Variants in MAP2 observed in about 807,000 individuals in gnomAD.
MAP2 encodes microtubule-associated protein 2.
A neutral mutation model predicts 137.6 loss-of-function variants in MAP2; 14 were observed. That is an observed-to-expected ratio of 0.10 (90% confidence interval 0.07 to 0.16). The LOEUF (loss-of-function observed/expected upper bound fraction) is 0.16, where lower values mean the gene tolerates loss of function less well. MAP2 is among the 10% of genes least tolerant of loss of function. The pLI is 1.00. For synonymous variants in MAP2, 786 were observed against 782.3 expected (o/e 1.00, Z -0.08); for missense variants, 2,088 against 2,191.5 (o/e 0.95, Z 0.94).
chr2:209,701,657 A>T (rs571355171), intron 11 of MAP2, among the ~76,000 whole-genome samples: 1 of 152,114 alleles, frequency 6.6e-6, no homozygotes, highest in Admixed American at 6.6e-5. Flanking sequence ...TTGATCTTGA[A>T]CCTGAGGGGT....
intron 1 of MAP2, among the ~76,000 whole-genome samples, chr2:209,500,641 T>C (rs945238692): frequency 6.6e-6 from 1 of 152,030 alleles, no homozygotes; most frequent in African/African-American, 2.4e-5. Context: ...TTTCACAACC[T>C]CCCTTATCCC....
In MAP2 at chr2:209,489,187, C is replaced by G. The variant is rs981073854; in HGVS notation, c.-221-18405C>G. ...CCTCCAGCAAACTCCAGCAGACCTG[C>G]AGAAGAGGGACCTGACTGTCAGAAG... On this transcript the variant is annotated intron_variant, in intron 1 of 15. Transcript: ENST00000682079. Among the ~76,000 whole-genome samples, 7 of 152,166 alleles carry G rather than the reference C, an allele frequency of 4.6e-5. No individual in the cohort carries two copies. The East Asian group carries it at 1.3e-3, about 29-fold the overall frequency.
intron 1 of MAP2, among the ~76,000 whole-genome samples, chr2:209,438,583 C>T (rs1219260698): frequency 4.0e-5 from 6 of 151,518 alleles, no homozygotes; most frequent in Non-Finnish European, 7.4e-5. Flanking sequence ...CCTTCTTAAA[C>T]CTGCAGAGAA....
At chr2:209,523,207 C>A (rs2063531129) in intron 2 of MAP2, among the ~76,000 whole-genome samples, 1 of 152,076 alleles carries the variant, frequency 6.6e-6, no homozygotes, top group African/African-American at 2.4e-5. Flanking sequence ...CCCATAACAC[C>A]CCGAATGCAA....
At chr2:209,515,636 C>A (rs539544028) in intron 2 of MAP2, among the ~76,000 whole-genome samples, 6 of 152,146 alleles carry the variant, frequency 3.9e-5, no homozygotes, top group African/African-American at 1.4e-4. Flanking sequence ...TGGTCCCTCC[C>A]CTGACATGTG....
intron 4 of MAP2, among the ~76,000 whole-genome samples, chr2:209,636,818 A>G (rs2093613020): frequency 6.6e-6 from 1 of 152,136 alleles, no homozygotes; most frequent in South Asian, 2.1e-4. Context: ...ACTGTATTAC[A>G]TAGTTCAAAA....
chr2:209,516,321 C>A (rs1367666264), intron 2 of MAP2, among the ~76,000 whole-genome samples: 1 of 152,000 alleles, frequency 6.6e-6, no homozygotes, highest in Non-Finnish European at 1.5e-5. Flanking sequence ...AGATGCTTCA[C>A]CTAGAATGAA....
intron 1 of MAP2, among the ~76,000 whole-genome samples, chr2:209,426,220 A>G (rs900764823): frequency 7.2e-5 from 11 of 152,118 alleles, no homozygotes; most frequent in Non-Finnish European, 1.5e-5. Flanking sequence ...AATATTATTT[A>G]ATGTCCAAAG....
intron 1 of MAP2, among the ~76,000 whole-genome samples, chr2:209,481,494 T>A (rs1027019123): frequency 4.6e-5 from 7 of 152,206 alleles, no homozygotes; most frequent in African/African-American, 7.2e-5. Context: ...TGGCCTGAAT[T>A]CCTAGCTGTC....
intron 4 of MAP2, among the ~76,000 whole-genome samples, chr2:209,640,241 T>C (rs543475470): frequency 6.6e-6 from 1 of 152,236 alleles, no homozygotes; most frequent in African/African-American, 2.4e-5. Flanking sequence ...ATTATTGTTA[T>C]TGGTTTGTCT....
chr2:209,577,369 T>C (rs561210183), intron 2 of MAP2, among the ~76,000 whole-genome samples: 1 of 152,224 alleles, frequency 6.6e-6, no homozygotes, highest in East Asian at 1.9e-4. Context: ...ATGATGATGG[T>C]GGCAGCAACT....
rs370816295 is a variant in MAP2 at position 209,619,591 on chromosome 2, G to A, written c.-106-5462G>A. 3.6e-4 allele frequency among the ~76,000 whole-genome samples: 54 copies of A among 151,898 alleles called. 1 individual carries two copies. The South Asian group carries it at 0.011, about 31-fold the overall frequency. ...TACATGTGCCCCATTGCTGCTCAAC[G>A]TTCCCTATATTACAGTGCCAATTCA... On this transcript the variant is annotated intron_variant, in intron 3 of 15. Coordinates refer to ENST00000682079, the MANE Select transcript of MAP2 (RefSeq NM_001375505.1).
chr2:209,648,368 G>A (rs1321753034), intron 4 of MAP2, among the ~76,000 whole-genome samples: 4 of 151,958 alleles, frequency 2.6e-5, no homozygotes. Flanking sequence ...CAAAGTGCTG[G>A]CATTACAGGC....
chr2:209,677,439 CAGAT>C (rs200456883), intron 5 of MAP2, among the ~76,000 whole-genome samples: 1,890 of 145,960 alleles, frequency 0.013, 37 homozygotes, highest in African/African-American at 0.049. Context: ...GACAGACAGA[CAGAT>C]AGATGTTGCT....
In MAP2 at chr2:209,730,071, G is replaced by A. The variant is rs1005945510; in HGVS notation, c.5268+109G>A. 43 of 1,138,096 alleles carry A rather than the reference G, an allele frequency of 3.8e-5. No individual in the cohort carries two copies. The South Asian group carries it at 5.5e-4, about 15-fold the overall frequency. 70.5% of individuals were successfully genotyped at this position (1,138,096 alleles called of 1,614,324 possible). A position where few individuals can be genotyped will look rare whatever the true frequency, so the allele number is the denominator to read the frequency against. On this transcript the variant is annotated intron_variant, in intron 15 of 15. Coordinates refer to ENST00000682079, the MANE Select transcript of MAP2 (RefSeq NM_001375505.1). ...GTAGACCTGGACAAATAAGAAGTGG[G>A]GATAACAGAGGTGAATAGAAGTCAT...
chr2:209,603,864 G>A (rs1462265158), intron 3 of MAP2, among the ~76,000 whole-genome samples: 2 of 152,066 alleles, frequency 1.3e-5, no homozygotes, highest in African/African-American at 2.4e-5. Flanking sequence ...ATGTGCTCTG[G>A]TAGGGGGAAA....
chr2:209,622,798 A>T (rs544665160), intron 3 of MAP2, among the ~76,000 whole-genome samples: 131 of 152,288 alleles, frequency 8.6e-4, no homozygotes, highest in African/African-American at 2.4e-3. Context: ...TCTCTTTCTC[A>T]TAAAGTCTAG....
intron 2 of MAP2, among the ~76,000 whole-genome samples, chr2:209,560,991 A>G (rs564030260): frequency 6.6e-6 from 1 of 152,162 alleles, no homozygotes; most frequent in Admixed American, 6.5e-5. Context: ...AAGGAAAGCA[A>G]AACAGCCCAG....
intron 1 of MAP2, among the ~76,000 whole-genome samples, chr2:209,487,282 A>G (rs2058509796): frequency 6.6e-6 from 1 of 152,186 alleles, no homozygotes; most frequent in African/African-American, 2.4e-5. Flanking sequence ...TTCGCTTATT[A>G]GTAGTGCATT....
Sources: gnomAD v4.1 joint callset for allele counts (sites outside exome capture counted in the v4.1 genomes callset) on GRCh38, gnomAD v4.1.1 for gene constraint, MANE v1.5 for transcripts, NCBI Gene and HGNC (gene_info 2026-07-23, HGNC 2026-07-21) for gene names.